DENND5A: variants seen among roughly 807,000 people sequenced by gnomAD.
The protein encoded by DENND5A is DENN domain-containing protein 5A.
In DENND5A, 64 loss-of-function variants were observed where a neutral mutation model predicts 140.3. The observed-to-expected ratio is 0.46, with a 90% CI of 0.37 to 0.56. The LOEUF is 0.56. Ranked by LOEUF, DENND5A falls within the 20% of genes least tolerant of loss-of-function variation. The pLI, the probability that DENND5A is intolerant of heterozygous loss-of-function variation, is 0.00. For missense variants in DENND5A, 1,292 were observed against 1,593.8 expected, an observed-to-expected ratio of 0.81 and a Z score of 3.22; for synonymous variants, 605 against 607.7, an observed-to-expected ratio of 1.00 and a Z score of 0.07.
intron 1 of DENND5A, chr11:9,242,733 G>A (rs1851287308): frequency 6.6e-6 from 1 of 152,098 alleles, no homozygotes; most frequent in African/African-American, 2.4e-5. Flanking sequence ...CCAGCCTCAT[G>A]TTTTTGGCCC....
At chr11:9,174,974 A>T (rs1269390172) in intron 8 of DENND5A, among the ~76,000 whole-genome samples, 1 of 118,600 alleles carries the variant, frequency 8.4e-6, no homozygotes, top group South Asian at 3.0e-4. Flanking sequence ...AATAAATAAG[A>T]AGAAGAAGAA....
At chr11:9,225,043 C>T (rs535267214) in intron 1 of DENND5A, among the ~76,000 whole-genome samples, 3 of 152,076 alleles carry the variant, frequency 2.0e-5, no homozygotes, top group East Asian at 3.9e-4. Context: ...TCCCTAGAAC[C>T]GACGTCTAAC....
chr11:9,234,372 A>C lies in DENND5A; in HGVS notation c.110-26740T>G, dbSNP rs1486769879. ...TATAACCAGTATACAGACAATTCAC[A>C]ATACCAATATAAAGAATGAGTAATT... is the stretch of plus-strand genomic sequence containing the variant. On this transcript the variant is annotated intron_variant, in intron 1 of 22. Transcript: ENST00000328194. Among the ~76,000 whole-genome samples the C allele has an allele frequency of 2.0e-5, 3 of 152,092 alleles. No individual in the cohort carries two copies. In the East Asian group the frequency reaches 5.8e-4, roughly 29 times the overall value.
chr11:9,259,177 T>A lies in DENND5A; in HGVS notation c.109+5784A>T, dbSNP rs188509677. Among the ~76,000 whole-genome samples the A allele has an allele frequency of 1.8e-3, 277 of 149,948 alleles. 2 individuals are homozygous for A. Among genetic ancestry groups the A allele is most frequent in the African/African-American group, 6.7e-3 (271 of 40,668 alleles). ...TGAGAGGCTGAGGCAGGAGAATCGC[T>A]TGAGCCCAGGAGGCAGAGGTTGCAG... On this transcript the variant is annotated intron_variant, in intron 1 of 22. Coordinates refer to ENST00000328194, the MANE Select transcript of DENND5A (RefSeq NM_015213.4).
At chr11:9,206,106 G>A (rs952984369) in intron 3 of DENND5A, among the ~76,000 whole-genome samples, 4 of 152,192 alleles carry the variant, frequency 2.6e-5, no homozygotes, top group African/African-American at 9.7e-5. Context: ...AAAGAGTACT[G>A]TAAGGATTAA....
intron 4 of DENND5A, among the ~76,000 whole-genome samples, chr11:9,203,090 A>T (rs1018416322): frequency 7.9e-5 from 12 of 152,206 alleles, no homozygotes; most frequent in African/African-American, 2.7e-4. Context: ...GTAAATATGT[A>T]CTGAATGAAT....
In DENND5A at chr11:9,246,136, G is replaced by A. The variant is rs544298326; in HGVS notation, c.109+18825C>T. 1.6e-4 allele frequency among the ~76,000 whole-genome samples: 24 copies of A among 152,262 alleles called. 1 individual carries two copies. Among genetic ancestry groups the A allele is most frequent in the Non-Finnish European group, 3.1e-4 (21 of 68,028 alleles). On this transcript the variant is annotated intron_variant, in intron 1 of 22. Transcript: ENST00000328194. ...AATTCCAGCGCCCTAGCTAGCCCTA[G>A]AAGTGACTGAGCAACCTGTTAAACA...
intron 8 of DENND5A, chr11:9,176,715 C>T: frequency 3.1e-6 from 1 of 327,314 alleles, no homozygotes; most frequent in South Asian, 2.6e-5. Flanking sequence ...GAGAAGGTTT[C>T]ATAGAGAAGG....
intron 12 of DENND5A, among the ~76,000 whole-genome samples, chr11:9,153,269 TG>T (rs1554912386): frequency 8.4e-6 from 1 of 119,062 alleles, no homozygotes; most frequent in Non-Finnish European, 1.6e-5. Context: ...GAGTTGAACC[TG>T]GGGGGCAGAG....
intron 5 of DENND5A, among the ~76,000 whole-genome samples, chr11:9,191,327 C>T (rs966369816): frequency 1.3e-5 from 2 of 152,062 alleles, no homozygotes; most frequent in Non-Finnish European, 2.9e-5. Context: ...CAACCTCTGG[C>T]TCCGGGCTTC....
chr11:9,227,714 A>T (rs1850588951), intron 1 of DENND5A, among the ~76,000 whole-genome samples: 1 of 151,938 alleles, frequency 6.6e-6, no homozygotes, highest in Non-Finnish European at 1.5e-5. Context: ...ATCTAACACT[A>T]TGGGAGGCCA....
Position 9,178,189 on chromosome 11 carries a change from G to A in DENND5A, c.1849C>T (p.Arg617Trp). Residue 617 changes from arginine (R) to tryptophan (W), a missense_variant, in exon 8 of 23, where the codon CGG becomes TGG. Around this residue, in one of 4 missense-constraint regions of DENND5A, gnomAD observed 199 missense variants for 189.1 expected, o/e 1.05. Coordinates refer to ENST00000328194, the MANE Select transcript of DENND5A (RefSeq NM_015213.4). Reference sequence around the variant, plus strand: ...ATGGATGTACGGAGAGTAGGTGTCCGAACATTCAACAGCCTGATCTTGTCA... The same window carrying A: ...ATGGATGTACGGAGAGTAGGTGTCCAAACATTCAACAGCCTGATCTTGTCA... ...RVDKIRLLNV[R>W]TPTLRTSMYQ... The A allele has an allele frequency of 4.3e-6, 7 of 1,614,118 alleles. No individual in the cohort carries two copies. Among genetic ancestry groups the A allele is most frequent in the Non-Finnish European group, 5.9e-6 (7 of 1,180,004 alleles).
At chr11:9,254,989 T>G (rs1270296043) in intron 1 of DENND5A, among the ~76,000 whole-genome samples, 1 of 152,038 alleles carries the variant, frequency 6.6e-6, no homozygotes, top group Non-Finnish European at 1.5e-5. Context: ...GAGAATCGCT[T>G]GAACCCAGGA....
chr11:9,181,124 G>C (rs1026151993), intron 5 of DENND5A, 40 bp from the exon 6 acceptor site: 2 of 1,549,358 alleles, frequency 1.3e-6, no homozygotes, highest in African/African-American at 1.4e-5. Flanking sequence ...AATAACTCCA[G>C]AGCATTACAG....
intron 5 of DENND5A, among the ~76,000 whole-genome samples, chr11:9,187,767 C>T (rs1212203580): frequency 6.6e-6 from 1 of 151,374 alleles, no homozygotes; most frequent in Non-Finnish European, 1.5e-5. Context: ...CAAAGAGAAG[C>T]CTAAGACAAA....
intron 1 of DENND5A, among the ~76,000 whole-genome samples, chr11:9,226,487 A>G (rs1850535708): frequency 6.6e-6 from 1 of 152,148 alleles, no homozygotes; most frequent in Non-Finnish European, 1.5e-5. Flanking sequence ...GGCTATTTCA[A>G]TCTTCAAGGT....
At chr11:9,251,154 A>AAAG (rs1564941809) in intron 1 of DENND5A, among the ~76,000 whole-genome samples, 14 of 147,326 alleles carry the variant, frequency 9.5e-5, no homozygotes, top group South Asian at 4.3e-4. Context: ...AAAAAAAAAA[A>AAAG]AAAGAAAGAA....
At chr11:9,216,552 T>G (rs1850100764) in intron 1 of DENND5A, among the ~76,000 whole-genome samples, 1 of 152,178 alleles carries the variant, frequency 6.6e-6, no homozygotes, top group Non-Finnish European at 1.5e-5. Flanking sequence ...CAGGAACTTA[T>G]AGCATTAGGC....
chr11:9,148,550 G>A (rs1341240162), intron 15 of DENND5A, among the ~76,000 whole-genome samples: 5 of 152,170 alleles, frequency 3.3e-5, no homozygotes, highest in African/African-American at 9.7e-5. Context: ...AAATGGTAAG[G>A]AGACAGGTGG....
Sources: allele counts gnomAD v4.1 joint callset (sites outside exome capture counted in the v4.1 genomes callset), GRCh38; gene constraint gnomAD v4.1.1; regional missense constraint gnomAD v4.1.1; transcripts MANE v1.5; gene names NCBI Gene and HGNC (gene_info 2026-07-23, HGNC 2026-07-21).